Variants in NUBPL observed in about 807,000 individuals in gnomAD.
The protein encoded by NUBPL is iron-sulfur cluster transfer protein NUBPL.
A neutral mutation model predicts 45.7 loss-of-function variants in NUBPL; 31 were observed. The observed-to-expected ratio is 0.68, with a 90% CI of 0.51 to 0.92. NUBPL has a LOEUF of 0.92. NUBPL is among the 40% of genes least tolerant of loss of function. NUBPL has a pLI of 0.00. For missense variants in NUBPL, 401 were observed against 398.7 expected (o/e 1.01, Z -0.05); for synonymous variants, 144 against 140.9 (o/e 1.02, Z -0.15).
At chr14:31,563,672 C>G (rs754923949) in intron 2 of NUBPL, among the ~76,000 whole-genome samples, 2 of 152,110 alleles carry the variant, frequency 1.3e-5, no homozygotes, top group Admixed American at 6.5e-5. Flanking sequence ...AATATACATG[C>G]TAGAGATGTT....
At chr14:31,736,869 C>A (rs1490490164) in intron 6 of NUBPL, among the ~76,000 whole-genome samples, 1 of 152,104 alleles carries the variant, frequency 6.6e-6, no homozygotes, top group East Asian at 1.9e-4. Context: ...CTTGGTTTAT[C>A]TGTTTCTGTG....
intron 4 of NUBPL, among the ~76,000 whole-genome samples, chr14:31,671,707 A>G (rs1475867552): frequency 6.6e-6 from 1 of 152,368 alleles, no homozygotes; most frequent in East Asian, 1.9e-4. Context: ...TAGTTAGTTT[A>G]GCCAGAAATT....
Position 31,562,160 on chromosome 14 carries a change from A to G in NUBPL, c.201A>G (p.Lys67=), listed in dbSNP as rs774987214. The G allele has an allele frequency of 9.9e-6, 16 of 1,614,048 alleles. No individual in the cohort carries two copies. In the South Asian group the frequency reaches 1.5e-4, roughly 16 times the overall value. The change falls in exon 2 of 11, where the codon AAA becomes AAG. Residue 67 remains lysine, a synonymous_variant. Transcript: ENST00000281081. ...AGCAGAAACCGATAGAAGGTGTTAA[A>G]CAAGTTATAGTTGTGGCTTCTGGAA... The part of the protein sequence containing the change: ...LPKQKPIEGV[K]QVIVVASGKG...
At chr14:31,849,307 G>A (rs2040502800) in intron 9 of NUBPL, among the ~76,000 whole-genome samples, 1 of 152,166 alleles carries the variant, frequency 6.6e-6, no homozygotes, top group Non-Finnish European at 1.5e-5. Flanking sequence ...AGAACGCTAA[G>A]TACCATGGCA....
intron 4 of NUBPL, among the ~76,000 whole-genome samples, chr14:31,641,239 C>T (rs763172425): frequency 1.8e-4 from 28 of 152,124 alleles, no homozygotes; most frequent in Non-Finnish European, 2.6e-4. Context: ...CATGAGCCAC[C>T]GCGCCTGGCC....
At chr14:31,695,397 T>G (rs2037193527) in intron 6 of NUBPL, among the ~76,000 whole-genome samples, 1 of 151,770 alleles carries the variant, frequency 6.6e-6, no homozygotes, top group African/African-American at 2.4e-5. Context: ...GACCAAAAAT[T>G]ACTGCAACTT....
intron 6 of NUBPL, among the ~76,000 whole-genome samples, chr14:31,763,066 G>C (rs2038846220): frequency 6.6e-6 from 1 of 152,168 alleles, no homozygotes; most frequent in South Asian, 2.1e-4. Flanking sequence ...GTCTATGTGA[G>C]AAATGTATAT....
intron 4 of NUBPL, among the ~76,000 whole-genome samples, chr14:31,663,917 C>G (rs2036336197): frequency 6.6e-6 from 1 of 152,092 alleles, no homozygotes; most frequent in Non-Finnish European, 1.5e-5. Flanking sequence ...TTTCCTTGAA[C>G]AGTGGTTTGT....
intron 7 of NUBPL, among the ~76,000 whole-genome samples, chr14:31,825,938 T>G (rs2040095609): frequency 6.6e-6 from 1 of 151,486 alleles, no homozygotes; most frequent in African/African-American, 2.4e-5. Context: ...TCCCTCCGCC[T>G]CAGCCTCCCA....
At chr14:31,587,708 A>G (rs922038104) in intron 3 of NUBPL, among the ~76,000 whole-genome samples, 6 of 152,202 alleles carry the variant, frequency 3.9e-5, no homozygotes, top group African/African-American at 1.4e-4. Flanking sequence ...TAATATACCA[A>G]AAACTCTAAT....
chr14:31,755,309 C>T (rs991385548), intron 6 of NUBPL, among the ~76,000 whole-genome samples: 15 of 152,112 alleles, frequency 9.9e-5, no homozygotes, highest in Non-Finnish European at 2.1e-4. Flanking sequence ...GTTTACAGTC[C>T]CACCAACAGT....
chr14:31,734,891 G>C (rs1008372891), intron 6 of NUBPL, among the ~76,000 whole-genome samples: 50 of 152,118 alleles, frequency 3.3e-4, no homozygotes, highest in African/African-American at 1.2e-3. Flanking sequence ...TTAACCTCCA[G>C]GTTATAACCA....
chr14:31,814,755 G>A (rs1035735093), intron 7 of NUBPL, among the ~76,000 whole-genome samples: 1 of 152,088 alleles, frequency 6.6e-6, no homozygotes, highest in Non-Finnish European at 1.5e-5. Context: ...TTCTGCATAT[G>A]GCTAGCCAGT....
intron 4 of NUBPL, among the ~76,000 whole-genome samples, chr14:31,658,583 G>A (rs541326948): frequency 6.6e-6 from 1 of 151,680 alleles, no homozygotes; most frequent in South Asian, 2.1e-4. Flanking sequence ...CGTGATTTCA[G>A]CTCACTGCAG....
rs141145251 is a variant in NUBPL at position 31,572,802 on chromosome 14, A to T, written c.291+7754A>T. Among the ~76,000 whole-genome samples the T allele has an allele frequency of 1.9e-3, 297 of 152,338 alleles. 1 individual carries two copies. Among genetic ancestry groups the T allele is most frequent in the Middle Eastern group, 0.014 (4 of 294 alleles). ...GTGTACTTAAACAAAGCTAGATAGT[A>T]TAGCCTACTGTACACCTAAGCTATA... On this transcript the variant is annotated intron_variant, in intron 3 of 10. Coordinates refer to ENST00000281081, the MANE Select transcript of NUBPL (RefSeq NM_025152.3).
Position 31,728,689 on chromosome 14 carries a change from G to T in NUBPL, c.513+55115G>T, listed in dbSNP as rs556993610. Reference sequence around the variant, plus strand: ...TTTCTCAACCATAAGACCTGTCTCTGCAATCTCATTATAGCTGATACTTTT... The same window carrying T: ...TTTCTCAACCATAAGACCTGTCTCTTCAATCTCATTATAGCTGATACTTTT... On this transcript the variant is annotated intron_variant, in intron 6 of 10. Transcript: ENST00000281081. Among the ~76,000 whole-genome samples the T allele has an allele frequency of 2.6e-5, 4 of 152,276 alleles. No individual in the cohort carries two copies. In the East Asian group the frequency reaches 7.7e-4, roughly 29 times the overall value.
rs770425910 is a variant in NUBPL, at chr14:31,826,614, T to C, written c.608-15T>C. The C allele has an allele frequency of 6.2e-7, 1 of 1,607,482 alleles. No individual in the cohort carries two copies. Among genetic ancestry groups the C allele is most frequent in the Non-Finnish European group, 8.5e-7 (1 of 1,173,916 alleles). ...AGAATTAAAAGATAATAGTATTTTG[T>C]TTATCTTTGGCTAGGTGCTGTGATT... On this transcript the variant is annotated splice_polypyrimidine_tract_variant and intron_variant, in intron 7 of 10. Coordinates refer to ENST00000281081, the MANE Select transcript of NUBPL (RefSeq NM_025152.3).
At chr14:31,599,529 C>T (rs1301674333) in intron 4 of NUBPL, 150 bp downstream of exon 4, 3 of 620,230 alleles carry the variant, frequency 4.8e-6, no homozygotes, top group African/African-American at 1.8e-5. Flanking sequence ...GAAACTGTTA[C>T]TTTAAGTGAA....
Position 31,678,490 on chromosome 14 carries a change from G to C in NUBPL, c.513+4916G>C, listed in dbSNP as rs182905162. On this transcript the variant is annotated intron_variant, in intron 6 of 10. Transcript: ENST00000281081. ...TGCTGCTGGTTGTTCATGGCCCAGAGGCCCTTTATTCAGCAGGTGTTGGTC... is the reference window on the plus strand; with the variant it reads ...TGCTGCTGGTTGTTCATGGCCCAGACGCCCTTTATTCAGCAGGTGTTGGTC... Among the ~76,000 whole-genome samples the C allele has an allele frequency of 9.1e-4, 139 of 152,320 alleles. 3 individuals carry two copies. In the East Asian group the frequency reaches 0.025, roughly 27 times the overall value.
Sources: allele counts gnomAD v4.1 joint callset (sites outside exome capture counted in the v4.1 genomes callset), GRCh38; gene constraint gnomAD v4.1.1; transcripts MANE v1.5; gene names NCBI Gene and HGNC (gene_info 2026-07-23, HGNC 2026-07-21).